The following EIPR1 variants were observed in gnomAD, a reference collection of about 807,000 sequenced individuals.
The protein encoded by EIPR1 is EARP and GARP complex-interacting protein 1.
In EIPR1, 25 loss-of-function variants were observed where a neutral mutation model predicts 48.1. That is an observed-to-expected ratio of 0.52 (90% CI 0.38 to 0.73). The LOEUF (loss-of-function observed/expected upper bound fraction) is 0.73. EIPR1 is among the 30% of genes least tolerant of loss of function. EIPR1 has a pLI of 0.00. For synonymous variants in EIPR1, 204 were observed against 201.9 expected (o/e 1.01, Z -0.09); for missense variants, 415 against 506.2 (o/e 0.82, Z 1.73).
At chr2:3,342,531 C>A (rs1166573347) in intron 2 of EIPR1, among the ~76,000 whole-genome samples, 2 of 152,262 alleles carry the variant, frequency 1.3e-5, no homozygotes, top group Non-Finnish European at 1.5e-5. Context: ...CAAGCTGGCC[C>A]CTCGGCCTGG....
intron 1 of EIPR1, among the ~76,000 whole-genome samples, chr2:3,369,834 T>C (rs916689707): frequency 4.6e-5 from 7 of 152,164 alleles, no homozygotes; most frequent in African/African-American, 7.2e-5. Context: ...AAGACAGCAG[T>C]AACCTCTGCA....
chr2:3,241,787 T>C (rs916155720), intron 4 of EIPR1, among the ~76,000 whole-genome samples: 2 of 152,190 alleles, frequency 1.3e-5, no homozygotes. Flanking sequence ...CTGAACTTCT[T>C]TGAGGCATTC....
At position 3,377,733 on chromosome 2, in the gene EIPR1, A is replaced by G; in HGVS notation, c.-44T>C. 6.4e-7 allele frequency: 1 copy of G among 1,554,312 alleles called. No homozygotes were observed. Among genetic ancestry groups the G allele is most frequent in the Non-Finnish European group, 8.7e-7 (1 of 1,148,324 alleles). ...GACCCCGGCCACTCACACGCTAAGG[A>G]CCTCGCTACGGCCGGCGCGTCCCCA... On this transcript the variant is annotated 5_prime_UTR_variant, in exon 1 of 9. Transcript: ENST00000382125.
At position 3,189,590 on chromosome 2, in the gene EIPR1, A is replaced by G. The variant is rs996613468; in HGVS notation, c.990-82T>C. The G allele has an allele frequency of 7.5e-6, 10 of 1,327,964 alleles. 1 individual carries two copies. In the Middle Eastern group the frequency reaches 1.9e-3, roughly 250 times the overall value. The allele number at this position is 1,327,964 out of a possible 1,614,324, so 82.3% of individuals were successfully genotyped here. A position where few individuals can be genotyped will look rare whatever the true frequency, so the allele number is the denominator to read the frequency against. The stretch of plus-strand genomic sequence containing the variant: ...AGGGGCAGGGAGGACGCGAGCGCTG[A>G]CATCGGGAGACACGGGAGGTACTGG... On this transcript the variant is annotated intron_variant, in intron 8 of 8. Transcript: ENST00000382125. The surrounding 1 kb of genome is among the most constrained non-coding windows in gnomAD (Gnocchi z 4.6).
intron 1 of EIPR1, among the ~76,000 whole-genome samples, chr2:3,370,045 C>T (rs927014933): frequency 1.3e-5 from 2 of 152,162 alleles, no homozygotes; most frequent in African/African-American, 4.8e-5. Context: ...ACAAAACTTC[C>T]AGAGGAACGA....
chr2:3,292,933 G>T (rs569696551), intron 3 of EIPR1, among the ~76,000 whole-genome samples: 6 of 150,720 alleles, frequency 4.0e-5, no homozygotes, highest in Admixed American at 4.0e-4. Flanking sequence ...TGCAGAAAAC[G>T]AGAAAGGGAG....
At chr2:3,306,468 C>T (rs1281180987) in intron 3 of EIPR1, among the ~76,000 whole-genome samples, 5 of 152,158 alleles carry the variant, frequency 3.3e-5, no homozygotes, top group African/African-American at 1.2e-4. Context: ...GGGCACCAAA[C>T]CCCAACACAA....
chr2:3,219,318 ACT>A (rs1665777997), intron 4 of EIPR1, among the ~76,000 whole-genome samples: 1 of 35,442 alleles, frequency 2.8e-5, no homozygotes, highest in African/African-American at 9.3e-5. Flanking sequence ...TCAGGTGCAC[ACT>A]CAACACGACC....
intron 8 of EIPR1, among the ~76,000 whole-genome samples, chr2:3,190,669 T>G (rs1664574892): frequency 6.6e-6 from 1 of 151,692 alleles, no homozygotes. Context: ...ACAGACATGG[T>G]GAGGAAGTGC....
intron 2 of EIPR1, among the ~76,000 whole-genome samples, chr2:3,340,221 G>T (rs1481436135): frequency 1.3e-5 from 2 of 152,222 alleles, no homozygotes; most frequent in Non-Finnish European, 2.9e-5. Flanking sequence ...TTCTGGACTT[G>T]CTCAGAGTGG....
chr2:3,346,143 C>T (rs762736316), intron 2 of EIPR1, among the ~76,000 whole-genome samples: 1 of 152,274 alleles, frequency 6.6e-6, no homozygotes, highest in Non-Finnish European at 1.5e-5. Flanking sequence ...GGGAGGGCCA[C>T]CACTCGGGAG....
chr2:3,335,084 G>T (rs1670004196), intron 3 of EIPR1, among the ~76,000 whole-genome samples: 1 of 152,198 alleles, frequency 6.6e-6, no homozygotes, highest in Admixed American at 6.5e-5. Context: ...GGACAGCCAG[G>T]AAACAAGCCT....
chr2:3,358,331 A>C (rs1670776601), intron 1 of EIPR1, among the ~76,000 whole-genome samples: 1 of 152,222 alleles, frequency 6.6e-6, no homozygotes, highest in Non-Finnish European at 1.5e-5. Context: ...GAACAATTTC[A>C]TGAACTGTTC....
chr2:3,214,279 A>G (rs1665554282), intron 4 of EIPR1, 31 bp from the exon 5 acceptor site: 2 of 1,589,650 alleles, frequency 1.3e-6, no homozygotes, highest in South Asian at 1.1e-5. Flanking sequence ...AAATGTTAAC[A>G]TAAACATTTG....
rs1310813315 is a variant in EIPR1 at position 3,344,117 on chromosome 2, G to C, written c.127-5968C>G. ...AAAAATCAAGAGGCACCCGCCTAGG[G>C]AAAGTGAATGATCCAATGGCTTCCC... On this transcript the variant is annotated intron_variant, in intron 2 of 8. Transcript: ENST00000382125. Among the ~76,000 whole-genome samples, 6 of 152,312 alleles carry C rather than the reference G, an allele frequency of 3.9e-5. No individual in the cohort carries two copies. The East Asian group carries it at 1.2e-3, about 29-fold the overall frequency.
intron 3 of EIPR1, 187 bp from the exon 4 acceptor site, chr2:3,257,642 C>T (rs957250661): frequency 4.0e-5 from 22 of 546,054 alleles, no homozygotes; most frequent in African/African-American, 1.9e-4. Context: ...GAACCCGGCA[C>T]GGTTCGTAAT....
At chr2:3,269,601 TCG>T (rs1351691798) in intron 3 of EIPR1, among the ~76,000 whole-genome samples, 2,282 of 73,044 alleles carry the variant, frequency 0.031, 153 homozygotes, top group Non-Finnish European at 0.036. Context: ...TCGCACTCAA[TCG>T]CACTCAATCA....
Position 3,280,874 on chromosome 2 carries a change from G to A in EIPR1, c.260-23419C>T, listed in dbSNP as rs369933647. Among the ~76,000 whole-genome samples, 54 of 152,292 alleles carry A rather than the reference G, an allele frequency of 3.5e-4. No individual in the cohort carries two copies. In the East Asian group the frequency reaches 9.5e-3, roughly 27 times the overall value. On this transcript the variant is annotated intron_variant, in intron 3 of 8. Coordinates refer to ENST00000382125, the MANE Select transcript of EIPR1 (RefSeq NM_003310.5). ...TTAGAGGTCTGAGCACAAGCAGCCA[G>A]TGCCACCCGCGCCTCCTCCTGTGGT...
At chr2:3,308,396 A>C (rs979988765) in intron 3 of EIPR1, among the ~76,000 whole-genome samples, 1 of 152,240 alleles carries the variant, frequency 6.6e-6, no homozygotes. Flanking sequence ...TATAAAAAAG[A>C]ACCAAATGGA....
Sources: allele counts gnomAD v4.1 joint callset (sites outside exome capture counted in the v4.1 genomes callset), GRCh38; gene constraint gnomAD v4.1.1; non-coding constraint Gnocchi (gnomAD v3.1); transcripts MANE v1.5; gene names NCBI Gene and HGNC (gene_info 2026-07-23, HGNC 2026-07-21).